DCAF8L2: variants seen among roughly 807,000 people sequenced by gnomAD.
The protein encoded by DCAF8L2 is DDB1- and CUL4-associated factor 8-like protein 2.
For missense variants in DCAF8L2, 430 were observed against 490.7 expected (o/e 0.88, Z 1.17); for synonymous variants, 200 against 190.9 (o/e 1.05, Z -0.39).
chrX:27,527,795 G>C, the DCAF8L2 span, among the ~76,000 whole-genome samples: 2 of 108,613 alleles, frequency 1.8e-5, no homozygotes, highest in African/African-American at 6.7e-5. Context: ...GGGACTACAG[G>C]TGCCCACCAC....
At chrX:27,572,476 G>A in the DCAF8L2 span, among the ~76,000 whole-genome samples, 1 of 111,791 alleles carries the variant, frequency 8.9e-6, no homozygotes, top group South Asian at 3.8e-4. Context: ...GAGTTAAAAT[G>A]CAATTTTTTC....
chrX:27,706,253 A>G (rs1006080564), intron 3 of DCAF8L2, among the ~76,000 whole-genome samples: 1 of 110,392 alleles, frequency 9.1e-6, no homozygotes, highest in Non-Finnish European at 1.9e-5. Flanking sequence ...CTTTATGATT[A>G]TTATTATTAT....
intron 2 of DCAF8L2, chrX:27,633,736 AT>A (rs1234680856): frequency 8.9e-6 from 1 of 111,983 alleles, no homozygotes; most frequent in Non-Finnish European, 1.9e-5. Flanking sequence ...TCTTAAAAGA[AT>A]TATATTGCTG....
intron 3 of DCAF8L2, among the ~76,000 whole-genome samples, chrX:27,710,744 C>T (rs1424616205): frequency 8.9e-6 from 1 of 111,839 alleles, no homozygotes; most frequent in Non-Finnish European, 1.9e-5. Flanking sequence ...TTTTTCCTTC[C>T]TTCATTGCTA....
At chrX:27,627,453 C>A (rs1272293544) in intron 1 of DCAF8L2, 1 of 110,303 alleles carries the variant, frequency 9.1e-6, no homozygotes, top group African/African-American at 3.3e-5. Context: ...CATCACCACA[C>A]TCAAGGTAAT....
At chrX:27,743,500 C>T (rs1303156553) in intron 4 of DCAF8L2, among the ~76,000 whole-genome samples, 1 of 108,767 alleles carries the variant, frequency 9.2e-6, no homozygotes, top group African/African-American at 3.4e-5. Context: ...CGGGTTCAAG[C>T]GATTTTTGTG....
At chrX:27,578,399 C>T in the DCAF8L2 span, among the ~76,000 whole-genome samples, 2 of 111,695 alleles carry the variant, frequency 1.8e-5, no homozygotes, top group Non-Finnish European at 3.8e-5. Context: ...ATACCTTATA[C>T]AAAAATTAAC....
intron 1 of DCAF8L2, among the ~76,000 whole-genome samples, chrX:27,592,124 A>G (rs1410596764): frequency 8.9e-6 from 1 of 112,467 alleles, no homozygotes; most frequent in Non-Finnish European, 1.9e-5. Context: ...GCAGATGGGT[A>G]GGAGGAGTAG....
the DCAF8L2 span, among the ~76,000 whole-genome samples, chrX:27,547,849 C>T: frequency 6.5e-3 from 430 of 65,985 alleles, 4 homozygotes; most frequent in African/African-American, 0.024. Context: ...CTCTCTTTCT[C>T]TCTCTCTCTC....
chrX:27,696,028 G>A (rs1242622076), intron 3 of DCAF8L2, among the ~76,000 whole-genome samples: 2 of 107,705 alleles, frequency 1.9e-5, no homozygotes, highest in Non-Finnish European at 3.8e-5. Context: ...AACCCCATCT[G>A]CACTTAAAGA....
At chrX:27,699,909 C>T (rs1465404664) in intron 3 of DCAF8L2, among the ~76,000 whole-genome samples, 2 of 110,550 alleles carry the variant, frequency 1.8e-5, no homozygotes, top group African/African-American at 3.3e-5. Context: ...GTGGTGTGCA[C>T]CTGTAGTCCT....
At chrX:27,706,050 C>T (rs1931333518) in intron 3 of DCAF8L2, among the ~76,000 whole-genome samples, 1 of 110,499 alleles carries the variant, frequency 9.0e-6, no homozygotes, top group Admixed American at 9.7e-5. Context: ...AATAGGTGAC[C>T]CTCGTTTCCC....
chrX:27,600,036 A>G (rs1926566008), intron 1 of DCAF8L2, among the ~76,000 whole-genome samples: 1 of 112,062 alleles, frequency 8.9e-6, no homozygotes, highest in African/African-American at 3.2e-5. Context: ...ATTATTCTAA[A>G]TGACATGAGA....
chrX:27,653,761 C>CAAAA (rs1555924515), intron 2 of DCAF8L2, among the ~76,000 whole-genome samples: 3 of 107,164 alleles, frequency 2.8e-5, no homozygotes, highest in Non-Finnish European at 5.8e-5. Flanking sequence ...CACACACACA[C>CAAAA]AACATATATT....
At chrX:27,732,764 G>A (rs1002148366) in intron 4 of DCAF8L2, among the ~76,000 whole-genome samples, 22 of 111,222 alleles carry the variant, frequency 2.0e-4, no homozygotes, top group African/African-American at 6.2e-4. Flanking sequence ...TCATATGATA[G>A]TTTTAGTTTT....
chrX:27,748,605 C>T lies in DCAF8L2; in HGVS notation c.1710C>T (p.His570=). 8.3e-7 allele frequency: 1 copy of T among 1,204,184 alleles called. No individual in the cohort carries two copies. The highest frequency in any genetic ancestry group is 1.1e-6 in the Non-Finnish European group (1 of 890,526). The part of the protein sequence containing the change: ...NKWERDEDSL[H]HGSLFDQYML... Reference sequence around the variant, plus strand: ...GGGAACGAGATGAAGACAGCTTGCACCATGGCAGCCTGTTTGACCAGTACA... The same window carrying T: ...GGGAACGAGATGAAGACAGCTTGCATCATGGCAGCCTGTTTGACCAGTACA... The change falls in exon 5 of 5, where the codon CAC becomes CAT. Residue 570 remains histidine (H), a synonymous_variant. Coordinates refer to ENST00000451261, the MANE Select transcript of DCAF8L2 (RefSeq NM_001353450.2).
chrX:27,727,445 T>G (rs1248759742), intron 4 of DCAF8L2, among the ~76,000 whole-genome samples: 3 of 111,646 alleles, frequency 2.7e-5, no homozygotes, highest in Admixed American at 9.6e-5. Flanking sequence ...TTTATGCCCA[T>G]TTTTTAATCA....
At chrX:27,498,595 A>G in the DCAF8L2 span, among the ~76,000 whole-genome samples, 4 of 112,337 alleles carry the variant, frequency 3.6e-5, no homozygotes, top group Admixed American at 9.4e-5. Context: ...CTCTCTTAGC[A>G]TATTTCAAAC....
intron 3 of DCAF8L2, chrX:27,712,435 G>A (rs946217650): frequency 5.4e-5 from 6 of 112,079 alleles, no homozygotes; most frequent in African/African-American, 1.9e-4. Context: ...GAAGGGGTCA[G>A]TGGCTCAAAT....
Sources: gnomAD v4.1 joint callset for allele counts (sites outside exome capture counted in the v4.1 genomes callset) on GRCh38, gnomAD v4.1.1 for gene constraint, MANE v1.5 for transcripts, NCBI Gene and HGNC (gene_info 2026-07-23, HGNC 2026-07-21) for gene names.